Variants in GRM8 observed in about 807,000 individuals in gnomAD.
The protein encoded by GRM8 is metabotropic glutamate receptor 8.
In GRM8, 47 loss-of-function variants were observed where a neutral mutation model predicts 87.2. The ratio of observed to expected loss-of-function variants is 0.54; its 90% CI spans 0.43 to 0.69. The LOEUF is 0.69. Among genes scored for constraint, GRM8 ranks in the 30% least tolerant of loss-of-function variants. The probability of loss-of-function intolerance (pLI) is 0.00; values close to 1 mark genes in which losing one functional copy is unlikely to be tolerated. For missense variants in GRM8, 1,019 were observed against 1,139.2 expected (o/e 0.89, Z 1.52); for synonymous variants, 396 against 404.5 (o/e 0.98, Z 0.25).
intron 2 of GRM8, among the ~76,000 whole-genome samples, chr7:127,136,380 G>A (rs1037706545): frequency 8.6e-5 from 13 of 152,006 alleles, no homozygotes; most frequent in Admixed American, 6.6e-4. Context: ...TCACGTTATG[G>A]CAGAATGGAT....
intron 2 of GRM8, among the ~76,000 whole-genome samples, chr7:127,142,005 C>T (rs376896046): frequency 2.8e-4 from 43 of 151,926 alleles, no homozygotes; most frequent in African/African-American, 8.2e-4. Flanking sequence ...TTTTAAGAGA[C>T]CGGGTCTTGG....
chr7:126,567,849 T>C (rs17683130), intron 8 of GRM8, among the ~76,000 whole-genome samples: 48,731 of 151,826 alleles, frequency 0.32, 8,444 homozygotes, highest in East Asian at 0.43. Context: ...TGAGTCCTCA[T>C]TCATACTTTG....
intron 3 of GRM8, among the ~76,000 whole-genome samples, chr7:126,966,836 G>T (rs992730812): frequency 6.6e-6 from 1 of 152,188 alleles, no homozygotes; most frequent in Non-Finnish European, 1.5e-5. Flanking sequence ...GGAAAGGATA[G>T]TGATGGACCT....
chr7:126,762,968 T>G (rs905556710), intron 7 of GRM8, among the ~76,000 whole-genome samples: 9 of 151,934 alleles, frequency 5.9e-5, no homozygotes, highest in Admixed American at 2.6e-4. Context: ...CTTTCTTTGA[T>G]TATAAGTGAG....
chr7:126,752,263 G>T (rs1015810176), intron 7 of GRM8, among the ~76,000 whole-genome samples: 2 of 151,880 alleles, frequency 1.3e-5, no homozygotes, highest in Non-Finnish European at 1.5e-5. Flanking sequence ...CCTGTGAAAA[G>T]CCACCACACT....
chr7:126,829,798 C>T (rs1275912201), intron 6 of GRM8, among the ~76,000 whole-genome samples: 2 of 151,894 alleles, frequency 1.3e-5, no homozygotes, highest in South Asian at 2.1e-4. Context: ...TTCCTAGTCT[C>T]GATGGTCTTT....
At chr7:127,003,659 C>G (rs2132050073) in intron 3 of GRM8, among the ~76,000 whole-genome samples, 1 of 151,812 alleles carries the variant, frequency 6.6e-6, no homozygotes, top group African/African-American at 2.4e-5. Flanking sequence ...GAAGAGGTAA[C>G]ACGTCAAAGT....
intron 3 of GRM8, among the ~76,000 whole-genome samples, chr7:127,080,417 A>G (rs2132773492): frequency 6.6e-6 from 1 of 152,286 alleles, no homozygotes; most frequent in South Asian, 2.1e-4. Flanking sequence ...AAGCCACTAG[A>G]TTTGTGGTCA....
intron 7 of GRM8, among the ~76,000 whole-genome samples, chr7:126,763,887 A>C (rs1427269389): frequency 6.6e-6 from 1 of 152,006 alleles, no homozygotes; most frequent in African/African-American, 2.4e-5. Flanking sequence ...GTCCATAAAC[A>C]AGAAATGTCT....
intron 3 of GRM8, among the ~76,000 whole-genome samples, chr7:126,943,196 T>A (rs1180021235): frequency 1.3e-5 from 2 of 152,166 alleles, no homozygotes; most frequent in Non-Finnish European, 2.9e-5. Context: ...GACAAATTAC[T>A]AATGGTCAGA....
At chr7:126,694,795 C>T (rs529822302) in intron 7 of GRM8, among the ~76,000 whole-genome samples, 17 of 152,302 alleles carry the variant, frequency 1.1e-4, no homozygotes, top group East Asian at 7.7e-4. Flanking sequence ...CCTTGAGATA[C>T]GTTTGTCTCT....
chr7:126,679,929 G>C (rs1807362535), intron 7 of GRM8, among the ~76,000 whole-genome samples: 2 of 152,056 alleles, frequency 1.3e-5, no homozygotes, highest in Non-Finnish European at 2.9e-5. Flanking sequence ...TACCCAGGAG[G>C]CTGAGGCAGG....
At chr7:127,165,625 A>T (rs1793407658) in intron 2 of GRM8, among the ~76,000 whole-genome samples, 1 of 152,174 alleles carries the variant, frequency 6.6e-6, no homozygotes, top group Admixed American at 6.5e-5. Flanking sequence ...CTGTTGACAG[A>T]GTCTTCTCTT....
chr7:126,981,881 C>T (rs1266639893), intron 3 of GRM8: 2 of 152,014 alleles, frequency 1.3e-5, no homozygotes, highest in East Asian at 3.9e-4. Flanking sequence ...AAGTGGTTGG[C>T]TCAAGGTTTG....
At chr7:126,543,859 A>G (rs1816823462) in intron 8 of GRM8, among the ~76,000 whole-genome samples, 1 of 152,248 alleles carries the variant, frequency 6.6e-6, no homozygotes, top group South Asian at 2.1e-4. Flanking sequence ...TCAAATGGTA[A>G]CTAGGGAAGA....
intron 6 of GRM8, 90 bp from the exon 7 acceptor site, chr7:126,770,155 A>T: frequency 1.3e-6 from 1 of 785,236 alleles, no homozygotes; most frequent in Non-Finnish European, 2.1e-6. Flanking sequence ...TTTGAGGAAC[A>T]CTTAATGAGA....
chr7:126,804,264 TCTTA>T (rs1458959910), intron 6 of GRM8, among the ~76,000 whole-genome samples: 1 of 152,224 alleles, frequency 6.6e-6, no homozygotes, highest in African/African-American at 2.4e-5. Context: ...TAAGGAAAGC[TCTTA>T]CTTAGCAGGA....
chr7:126,984,421 C>T (rs1210781855), intron 3 of GRM8, among the ~76,000 whole-genome samples: 1 of 151,638 alleles, frequency 6.6e-6, no homozygotes, highest in Non-Finnish European at 1.5e-5. Flanking sequence ...CAGGGGTTCA[C>T]CTAATTAGCT....
chr7:126,734,687 A>G (rs557962042), intron 7 of GRM8, among the ~76,000 whole-genome samples: 1 of 151,954 alleles, frequency 6.6e-6, no homozygotes, highest in Non-Finnish European at 1.5e-5. Flanking sequence ...ATCATGAAAA[A>G]GCTACAAGAA....
Sources: gnomAD v4.1 joint callset for allele counts (sites outside exome capture counted in the v4.1 genomes callset) on GRCh38, gnomAD v4.1.1 for gene constraint, MANE v1.5 for transcripts, NCBI Gene and HGNC (gene_info 2026-07-23, HGNC 2026-07-21) for gene names.